ST8SIA5: variants seen among roughly 807,000 people sequenced by gnomAD.
The protein encoded by ST8SIA5 is alpha-2,8-sialyltransferase 8E.
In ST8SIA5, 24 loss-of-function variants were observed where a neutral mutation model predicts 40.2. The observed-to-expected ratio is 0.60, with a 90% CI of 0.43 to 0.84. The LOEUF (loss-of-function observed/expected upper bound fraction) is 0.84. Among genes scored for constraint, ST8SIA5 ranks in the 40% least tolerant of loss-of-function variants. The pLI is 0.00. For missense variants in ST8SIA5, 465 were observed against 498.5 expected (o/e 0.93, Z 0.64); for synonymous variants, 198 against 201.8 (o/e 0.98, Z 0.16).
intron 1 of ST8SIA5, among the ~76,000 whole-genome samples, chr18:46,734,626 G>A (rs904459455): frequency 4.6e-5 from 7 of 152,172 alleles, no homozygotes; most frequent in Non-Finnish European, 7.3e-5. Context: ...TAGGTAGGCA[G>A]GACTGGAGCC....
intron 1 of ST8SIA5, among the ~76,000 whole-genome samples, chr18:46,720,709 C>T (rs1437232247): frequency 6.6e-6 from 1 of 152,084 alleles, no homozygotes; most frequent in Non-Finnish European, 1.5e-5. Flanking sequence ...CCAGTCATAC[C>T]CAGCTCCCAG....
rs953710366 is a variant in ST8SIA5, at chr18:46,678,716, G to C, written c.*1326C>G. 2 of 152,492 alleles carry C rather than the reference G, an allele frequency of 1.3e-5. No individual in the cohort carries two copies. The highest frequency in any genetic ancestry group is 4.8e-5 in the African/African-American group (2 of 41,574). 9.4% of individuals were successfully genotyped at this position (152,492 alleles called of 1,614,324 possible). A position where few individuals can be genotyped will look rare whatever the true frequency, so the allele number is the denominator to read the frequency against. On this transcript the variant is annotated 3_prime_UTR_variant, in exon 7 of 7. Coordinates refer to ENST00000315087, the MANE Select transcript of ST8SIA5 (RefSeq NM_013305.6). ...GAGAAAGGAAGGAGGGAGGGAGACA[G>C]GTTGCCAGGCAGGTAGGCTGAAGTC... is the stretch of plus-strand genomic sequence containing the variant.
At chr18:46,743,885 C>T (rs1014693789) in intron 1 of ST8SIA5, among the ~76,000 whole-genome samples, 3 of 152,180 alleles carry the variant, frequency 2.0e-5, no homozygotes, top group Non-Finnish European at 4.4e-5. Context: ...ACCCTACAAG[C>T]CAGAAGAGAG....
chr18:46,744,568 G>C (rs1490488144), intron 1 of ST8SIA5, among the ~76,000 whole-genome samples: 1 of 152,148 alleles, frequency 6.6e-6, no homozygotes, highest in African/African-American at 2.4e-5. Context: ...CATAAAGCAA[G>C]TCCTTAGATA....
chr18:46,728,193 C>CAA (rs533087232), intron 1 of ST8SIA5, among the ~76,000 whole-genome samples: 25 of 86,294 alleles, frequency 2.9e-4, no homozygotes, highest in East Asian at 3.5e-4. Flanking sequence ...GACTCCATCT[C>CAA]AAAAAAAAAA....
chr18:46,703,849 G>A (rs2039642470), intron 2 of ST8SIA5, among the ~76,000 whole-genome samples: 1 of 152,166 alleles, frequency 6.6e-6, no homozygotes, highest in Non-Finnish European at 1.5e-5. Flanking sequence ...GTTCTGTGAA[G>A]GGCGGAAACC....
chr18:46,725,972 A>AT lies in ST8SIA5; in HGVS notation c.132-21309_132-21308insA, dbSNP rs1555696956. On this transcript the variant is annotated intron_variant, in intron 1 of 6. Transcript: ENST00000315087. ...CCCATCTCTACTTAAAAAAAAAAAA[A>AT]ATATATATATATATATATATATATA... 7.6e-4 allele frequency among the ~76,000 whole-genome samples: 22 copies of AT among 29,070 alleles called. 1 individual carries two copies. The highest frequency in any genetic ancestry group is 1.4e-3 in the South Asian group (1 of 718). The allele number at this position is 29,070 out of a possible 152,430, so 19.1% of individuals were successfully genotyped here. A position where few individuals can be genotyped will look rare whatever the true frequency, so the allele number is the denominator to read the frequency against.
intron 1 of ST8SIA5, among the ~76,000 whole-genome samples, chr18:46,718,329 C>CA (rs34073971): frequency 0.85 from 108,803 of 128,612 alleles, 45,936 homozygotes; most frequent in Non-Finnish European, 0.9. Flanking sequence ...AACTCTGTCT[C>CA]AAAAAAAAAA....
intron 2 of ST8SIA5, among the ~76,000 whole-genome samples, chr18:46,693,239 T>C (rs900649189): frequency 3.9e-5 from 6 of 152,184 alleles, no homozygotes; most frequent in Non-Finnish European, 8.8e-5. Context: ...GCCTGCATAG[T>C]TCTCTTGGGA....
At chr18:46,719,890 G>A (rs1374679943) in intron 1 of ST8SIA5, among the ~76,000 whole-genome samples, 2 of 147,320 alleles carry the variant, frequency 1.4e-5, no homozygotes, top group Non-Finnish European at 3.0e-5. Context: ...TCAGGCTGGA[G>A]TGCAGTGGCA....
chr18:46,753,588 A>C (rs1214650877), intron 1 of ST8SIA5, among the ~76,000 whole-genome samples: 1 of 151,848 alleles, frequency 6.6e-6, no homozygotes, highest in South Asian at 2.1e-4. Flanking sequence ...AAAAAAAAAA[A>C]GAAAGAAAAA....
At chr18:46,693,917 CCTT>C (rs1386339985) in intron 2 of ST8SIA5, among the ~76,000 whole-genome samples, 1 of 152,230 alleles carries the variant, frequency 6.6e-6, no homozygotes, top group Non-Finnish European at 1.5e-5. Flanking sequence ...TTTAGTTACT[CCTT>C]CCGCATTTCA....
chr18:46,718,668 C>G (rs917522805), intron 1 of ST8SIA5, among the ~76,000 whole-genome samples: 4 of 151,930 alleles, frequency 2.6e-5, no homozygotes, highest in Admixed American at 2.6e-4. Context: ...GCTTCTTTGC[C>G]CCTCTTCATC....
chr18:46,689,376 A>G (rs9966652), intron 3 of ST8SIA5, among the ~76,000 whole-genome samples: 2,717 of 152,238 alleles, frequency 0.018, 60 homozygotes, highest in African/African-American at 0.053. Flanking sequence ...CAGGCCTGGC[A>G]TGGAAACTTG....
chr18:46,745,778 G>T (rs1168125596), intron 1 of ST8SIA5, among the ~76,000 whole-genome samples: 1 of 152,146 alleles, frequency 6.6e-6, no homozygotes, highest in Non-Finnish European at 1.5e-5. Flanking sequence ...GAGAATTTTA[G>T]ACCAATATCC....
At chr18:46,754,500 T>C (rs941260271) in intron 1 of ST8SIA5, among the ~76,000 whole-genome samples, 8 of 152,182 alleles carry the variant, frequency 5.3e-5, no homozygotes, top group Non-Finnish European at 8.8e-5. Flanking sequence ...ATCTCCTTCT[T>C]TACAGACCCT....
Position 46,696,138 on chromosome 18 carries a change from G to A in ST8SIA5, c.225-3883C>T, listed in dbSNP as rs866807958. Among the ~76,000 whole-genome samples, 14 of 152,242 alleles carry A rather than the reference G, an allele frequency of 9.2e-5. No individual in the cohort carries two copies. The Middle Eastern group carries it at 0.01, about 111-fold the overall frequency. Reference sequence around the variant, plus strand: ...CAAATATCTGGGAAAAGTGTATTCCGGGCTGAGAGAAAAGTGAGTGCAAAA... The same window carrying A: ...CAAATATCTGGGAAAAGTGTATTCCAGGCTGAGAGAAAAGTGAGTGCAAAA... On this transcript the variant is annotated intron_variant, in intron 2 of 6. Transcript: ENST00000315087.
chr18:46,742,432 A>AAG (rs1401227798), intron 1 of ST8SIA5, among the ~76,000 whole-genome samples: 1 of 151,952 alleles, frequency 6.6e-6, no homozygotes, highest in African/African-American at 2.4e-5. Flanking sequence ...CAACAACAAA[A>AAG]AAAAAATAGC....
intron 2 of ST8SIA5, among the ~76,000 whole-genome samples, chr18:46,693,595 C>G (rs1232416476): frequency 2.0e-5 from 3 of 152,256 alleles, no homozygotes; most frequent in Non-Finnish European, 4.4e-5. Context: ...TTTACATCGA[C>G]TTATTTATAA....
Sources: allele counts gnomAD v4.1 joint callset (sites outside exome capture counted in the v4.1 genomes callset), GRCh38; gene constraint gnomAD v4.1.1; transcripts MANE v1.5; gene names NCBI Gene and HGNC (gene_info 2026-07-23, HGNC 2026-07-21).